WWOX: variants seen among roughly 807,000 people sequenced by gnomAD.
The protein encoded by WWOX is WW domain-containing oxidoreductase.
Under a neutral mutation model 46.2 loss-of-function variants are expected in WWOX, and 69 were observed. The observed-to-expected ratio is 1.49, with a 90% CI of 1.23 to 1.82. WWOX has a LOEUF of 1.82. Ranked by LOEUF, WWOX falls within the 40% of genes most tolerant of loss-of-function variation. The pLI is 0.00. For synonymous variants in WWOX, 359 were observed against 202.6 expected, an observed-to-expected ratio of 1.77 and a Z score of -6.56; for missense variants, 919 against 542.6, an observed-to-expected ratio of 1.69 and a Z score of -6.89.
chr16:78,467,288 T>A (rs905176361), intron 8 of WWOX, among the ~76,000 whole-genome samples: 1 of 152,214 alleles, frequency 6.6e-6, no homozygotes, highest in African/African-American at 2.4e-5. Context: ...TGTGTATGTA[T>A]GATGTATATA....
chr16:78,177,721 G>A (rs2035395746), intron 5 of WWOX, among the ~76,000 whole-genome samples: 1 of 152,202 alleles, frequency 6.6e-6, no homozygotes, highest in African/African-American at 2.4e-5. Context: ...GGCTGAGTCT[G>A]AGTGGTGGTG....
At chr16:78,763,237 A>C (rs562224478) in intron 8 of WWOX, among the ~76,000 whole-genome samples, 1 of 152,336 alleles carries the variant, frequency 6.6e-6, no homozygotes, top group African/African-American at 2.4e-5. Context: ...TTTTCCTTCT[A>C]AGTACTGCTT....
At chr16:78,280,100 C>T (rs2079649444) in intron 5 of WWOX, among the ~76,000 whole-genome samples, 1 of 152,250 alleles carries the variant, frequency 6.6e-6, no homozygotes, top group Admixed American at 6.5e-5. Context: ...CTAATCATGG[C>T]AGGCTCTACC....
At chr16:78,540,258 A>C (rs1252104546) in intron 8 of WWOX, among the ~76,000 whole-genome samples, 2 of 152,018 alleles carry the variant, frequency 1.3e-5, no homozygotes, top group African/African-American at 4.8e-5. Flanking sequence ...AAAAAATGGA[A>C]TCAAGAACCC....
At chr16:78,944,654 C>T (rs1356127801) in intron 8 of WWOX, among the ~76,000 whole-genome samples, 1 of 152,220 alleles carries the variant, frequency 6.6e-6, no homozygotes, top group Non-Finnish European at 1.5e-5. Context: ...CATCCAATTG[C>T]TTTTGCGGAG....
chr16:78,472,465 T>A (rs2084247278), intron 8 of WWOX, among the ~76,000 whole-genome samples: 1 of 152,202 alleles, frequency 6.6e-6, no homozygotes. Flanking sequence ...CTTGCTTTTC[T>A]CTAAAGTATA....
At chr16:78,430,814 C>T (rs2083199816) in intron 7 of WWOX, among the ~76,000 whole-genome samples, 1 of 152,192 alleles carries the variant, frequency 6.6e-6, no homozygotes, top group Admixed American at 6.5e-5. Flanking sequence ...TCACCGAGTC[C>T]TGTGGAAGGG....
chr16:78,701,885 G>C (rs914145552), intron 8 of WWOX, among the ~76,000 whole-genome samples: 5 of 151,086 alleles, frequency 3.3e-5, no homozygotes, highest in South Asian at 2.1e-4. Context: ...AAAGGCCCCA[G>C]TAATAAAAGG....
Position 78,835,990 on chromosome 16 carries a change from C to T in WWOX, c.1057-375618C>T, listed in dbSNP as rs567839670. On this transcript the variant is annotated intron_variant, in intron 8 of 8. Coordinates refer to ENST00000566780, the MANE Select transcript of WWOX (RefSeq NM_016373.4). Reference sequence around the variant, plus strand: ...CTAAGCTGCCACTTCTTCAAAGCCTCGTTATTCTTGTTCCCTTCAATGTAT... The same window carrying T: ...CTAAGCTGCCACTTCTTCAAAGCCTTGTTATTCTTGTTCCCTTCAATGTAT... 4.6e-5 allele frequency among the ~76,000 whole-genome samples: 7 copies of T among 152,278 alleles called. No individual in the cohort carries two copies. The East Asian group carries it at 1.4e-3, about 29-fold the overall frequency.
chr16:78,892,973 C>A (rs1192389062), intron 8 of WWOX, among the ~76,000 whole-genome samples: 1 of 152,136 alleles, frequency 6.6e-6, no homozygotes, highest in Non-Finnish European at 1.5e-5. Context: ...ACAGTAATGC[C>A]TTGGATTCCT....
chr16:78,609,563 G>T (rs1381347890), intron 8 of WWOX, among the ~76,000 whole-genome samples: 1 of 145,344 alleles, frequency 6.9e-6, no homozygotes, highest in Non-Finnish European at 1.5e-5. Context: ...CTTTTTCCCA[G>T]ACTCCTCATA....
At chr16:78,406,628 T>A (rs2082553918) in intron 6 of WWOX, among the ~76,000 whole-genome samples, 1 of 140,532 alleles carries the variant, frequency 7.1e-6, no homozygotes, top group African/African-American at 2.6e-5. Flanking sequence ...GGATATACAT[T>A]TTTTTTTTTT....
chr16:78,745,766 T>C lies in WWOX; in HGVS notation c.1056+313014T>C, dbSNP rs569892414. ...TCCTCCTCCCTCTTCCTCCTCTTTT[T>C]CCCCCCCCTTCAAATAGTTCCAAGA... is the stretch of plus-strand genomic sequence containing the variant. On this transcript the variant is annotated intron_variant, in intron 8 of 8. Coordinates refer to ENST00000566780, the MANE Select transcript of WWOX (RefSeq NM_016373.4). Among the ~76,000 whole-genome samples the C allele has an allele frequency of 5.5e-3, 821 of 148,470 alleles. 1 individual carries two copies. The highest frequency in any genetic ancestry group is 0.014 in the Middle Eastern group (4 of 292).
intron 8 of WWOX, among the ~76,000 whole-genome samples, chr16:79,081,003 C>A (rs976790931): frequency 1.3e-5 from 2 of 152,140 alleles, no homozygotes; most frequent in Admixed American, 1.3e-4. Flanking sequence ...CACACACGCA[C>A]ATGCACACCC....
chr16:78,915,689 A>C (rs2151262008), intron 8 of WWOX, among the ~76,000 whole-genome samples: 1 of 14,878 alleles, frequency 6.7e-5, no homozygotes, highest in Non-Finnish European at 1.6e-4. Flanking sequence ...ATTCCTCTCC[A>C]AAGCCATTTA....
At chr16:79,117,669 T>G (rs2049544104) in intron 8 of WWOX, among the ~76,000 whole-genome samples, 2 of 152,264 alleles carry the variant, frequency 1.3e-5, no homozygotes, top group South Asian at 4.1e-4. Flanking sequence ...TGTAGCCACC[T>G]TAGTGGTCTT....
At chr16:78,327,616 GAC>G (rs1407059134) in intron 5 of WWOX, among the ~76,000 whole-genome samples, 2 of 152,090 alleles carry the variant, frequency 1.3e-5, no homozygotes, top group Non-Finnish European at 2.9e-5. Context: ...TCTTTGCCAT[GAC>G]ACAGAGATTC....
rs567936576 is a variant in WWOX, at chr16:78,975,892, C to A, written c.1057-235716C>A. 1.2e-3 allele frequency among the ~76,000 whole-genome samples: 180 copies of A among 152,316 alleles called. 1 individual carries two copies. The highest frequency in any genetic ancestry group is 1.4e-3 in the Non-Finnish European group (94 of 68,026). ...AGGACCAAACCTCTTCCAGCTTTCT[C>A]AGCAGCCACATGTCACCCCCTCTTC... is the stretch of plus-strand genomic sequence containing the variant. On this transcript the variant is annotated intron_variant, in intron 8 of 8. Coordinates refer to ENST00000566780, the MANE Select transcript of WWOX (RefSeq NM_016373.4).
chr16:78,425,702 G>T (rs1419514139), intron 7 of WWOX, among the ~76,000 whole-genome samples: 2 of 152,100 alleles, frequency 1.3e-5, no homozygotes, highest in Non-Finnish European at 2.9e-5. Flanking sequence ...ACAACTATTT[G>T]TCTAGAGAGA....
Sources: allele counts gnomAD v4.1 joint callset (sites outside exome capture counted in the v4.1 genomes callset), GRCh38; gene constraint gnomAD v4.1.1; transcripts MANE v1.5; gene names NCBI Gene and HGNC (gene_info 2026-07-23, HGNC 2026-07-21).